Variants in JARID2 observed in about 807,000 individuals in gnomAD.
JARID2 encodes protein Jumonji.
Under a neutral mutation model 125.6 loss-of-function variants are expected in JARID2, and 21 were observed. The ratio of observed to expected loss-of-function variants is 0.17; its 90% CI spans 0.12 to 0.24. JARID2 has a LOEUF of 0.24. JARID2 is among the 10% of genes least tolerant of loss of function. The pLI, the probability that JARID2 is intolerant of heterozygous loss-of-function variation, is 1.00. For synonymous variants in JARID2, 736 were observed against 661.6 expected (o/e 1.11, Z -1.73); for missense variants, 1,303 against 1,639.6 (o/e 0.79, Z 3.55).
intron 1 of JARID2, among the ~76,000 whole-genome samples, chr6:15,298,884 AC>A (rs1370215781): frequency 6.6e-6 from 1 of 151,724 alleles, no homozygotes; most frequent in Non-Finnish European, 1.5e-5. Flanking sequence ...TGTATTACTT[AC>A]AAAAACACTC....
At chr6:15,483,434 A>G (rs1478960635) in intron 5 of JARID2, among the ~76,000 whole-genome samples, 1 of 151,892 alleles carries the variant, frequency 6.6e-6, no homozygotes, top group South Asian at 2.1e-4. Context: ...GATGAAATGC[A>G]TATTAGACTA....
At chr6:15,371,817 C>T (rs1268713721) in intron 1 of JARID2, among the ~76,000 whole-genome samples, 1 of 152,138 alleles carries the variant, frequency 6.6e-6, no homozygotes, top group Non-Finnish European at 1.5e-5. Context: ...GAACCCTGAC[C>T]CCGTACCGTG....
intron 1 of JARID2, among the ~76,000 whole-genome samples, chr6:15,366,320 G>GT (rs1020186426): frequency 2.8e-4 from 42 of 150,128 alleles, no homozygotes; most frequent in South Asian, 1.9e-3. Context: ...TTTTTAGAAT[G>GT]TTTTTTTTCA....
chr6:15,293,935 C>T (rs1317034494), intron 1 of JARID2, among the ~76,000 whole-genome samples: 1 of 152,196 alleles, frequency 6.6e-6, no homozygotes, highest in South Asian at 2.1e-4. Context: ...ATGCCTGCTC[C>T]GGAAGTTGAT....
chr6:15,447,260 G>C (rs1767714485), intron 3 of JARID2, among the ~76,000 whole-genome samples: 1 of 152,052 alleles, frequency 6.6e-6, no homozygotes, highest in African/African-American at 2.4e-5. Context: ...TACTTGATTT[G>C]ATCTTTTCAC....
chr6:15,512,600 C>T lies in JARID2; in HGVS notation c.3135+210C>T, dbSNP rs73724432. Among the ~76,000 whole-genome samples the T allele has an allele frequency of 1.6e-3, 249 of 152,246 alleles. 2 individuals are homozygous for T. The highest frequency in any genetic ancestry group is 5.7e-3 in the African/African-American group (238 of 41,568). On this transcript the variant is annotated intron_variant, in intron 14 of 17. Coordinates refer to ENST00000341776, the MANE Select transcript of JARID2 (RefSeq NM_004973.4). Reference sequence around the variant, plus strand: ...TGTTTGTATCACAAAGAGTTTTGATCAGACCGTTACTGACAGACCCCTCCA... The same window carrying T: ...TGTTTGTATCACAAAGAGTTTTGATTAGACCGTTACTGACAGACCCCTCCA...
intron 1 of JARID2, among the ~76,000 whole-genome samples, chr6:15,328,339 A>G (rs1208772812): frequency 2.0e-5 from 3 of 152,376 alleles, no homozygotes; most frequent in South Asian, 2.1e-4. Context: ...GGCACTGGGC[A>G]GGATGATATG....
At chr6:15,343,081 T>G (rs141876370) in intron 1 of JARID2, among the ~76,000 whole-genome samples, 2 of 152,046 alleles carry the variant, frequency 1.3e-5, no homozygotes, top group Admixed American at 1.3e-4. Context: ...AATACAAAAA[T>G]TAGCCGGGTG....
intron 5 of JARID2, among the ~76,000 whole-genome samples, chr6:15,470,505 CATT>C (rs1769023216): frequency 6.6e-6 from 1 of 152,212 alleles, no homozygotes; most frequent in Admixed American, 6.5e-5. Flanking sequence ...GTCTAGCTTT[CATT>C]GTTGTTGGGC....
intron 1 of JARID2, among the ~76,000 whole-genome samples, chr6:15,338,973 A>T (rs1389660082): frequency 6.6e-6 from 1 of 152,230 alleles, no homozygotes; most frequent in Non-Finnish European, 1.5e-5. Context: ...GACCTTGACG[A>T]ACACTGAGAA....
intron 1 of JARID2, among the ~76,000 whole-genome samples, chr6:15,318,846 G>T (rs917515523): frequency 6.6e-6 from 1 of 152,224 alleles, no homozygotes; most frequent in African/African-American, 2.4e-5. Flanking sequence ...AGGCGAGAAA[G>T]GGGGTGGTGG....
At chr6:15,512,796 C>G in intron 14 of JARID2, 119 bp from the exon 15 acceptor site, 1 of 1,040,998 alleles carries the variant, frequency 9.6e-7, no homozygotes, top group Non-Finnish European at 1.4e-6. Flanking sequence ...AGTTTTTAAT[C>G]TAAATGCAAT....
At chr6:15,486,549 A>G (rs1218686663) in intron 5 of JARID2, among the ~76,000 whole-genome samples, 4 of 152,238 alleles carry the variant, frequency 2.6e-5, no homozygotes, top group African/African-American at 7.2e-5. Context: ...GGTTGTTCTG[A>G]GGATTCAGAG....
At chr6:15,377,604 T>C (rs757061224) in intron 2 of JARID2, among the ~76,000 whole-genome samples, 1 of 152,142 alleles carries the variant, frequency 6.6e-6, no homozygotes, top group African/African-American at 2.4e-5. Flanking sequence ...TAGCTGCGAT[T>C]ACAGGCATGC....
intron 1 of JARID2, among the ~76,000 whole-genome samples, chr6:15,331,714 G>A (rs758169055): frequency 3.9e-5 from 6 of 152,008 alleles, no homozygotes; most frequent in Non-Finnish European, 7.4e-5. Context: ...AAAATTAGCC[G>A]GGTATGTTGG....
chr6:15,367,251 A>C (rs1329334620), intron 1 of JARID2, among the ~76,000 whole-genome samples: 1 of 152,216 alleles, frequency 6.6e-6, no homozygotes, highest in Non-Finnish European at 1.5e-5. Context: ...TTGATCAGAA[A>C]TGTGTTTTCC....
At position 15,452,111 on chromosome 6, in the gene JARID2, G is replaced by C. The variant is rs146235473; in HGVS notation, c.429G>C (p.Gln143His). 13 of 1,613,988 alleles carry C rather than the reference G, an allele frequency of 8.1e-6. No homozygotes were observed. The African/African-American group carries it at 1.6e-4, about 20-fold the overall frequency. The stretch of plus-strand genomic sequence containing the variant: ...CATTGCTACCCCCTCCAGCTACTCA[G>C]ATATCAGACCTCTCTAAAAGGAAGC... ...VEPLLPPPAT[Q>H]ISDLSKRKPK... Residue 143 changes from glutamine to histidine, a missense_variant, in exon 4 of 18, where the codon CAG becomes CAC. Physicochemically the swap from Gln to His is conservative, Grantham distance 24 (BLOSUM62 0). This residue lies in a region of JARID2 where 42 missense variants were observed against 35.7 expected (regional missense o/e 1.18). Transcript: ENST00000341776.
intron 1 of JARID2, among the ~76,000 whole-genome samples, chr6:15,330,893 TA>T (rs1762684798): frequency 6.6e-6 from 1 of 152,222 alleles, no homozygotes; most frequent in African/African-American, 2.4e-5. Context: ...AGTCTGTTTT[TA>T]AAAGGTGACT....
At chr6:15,443,087 T>TA (rs60513458) in intron 3 of JARID2, among the ~76,000 whole-genome samples, 2,455 of 145,134 alleles carry the variant, frequency 0.017, 29 homozygotes, top group African/African-American at 0.026. Context: ...TCCCTGGAAT[T>TA]AAAAAAAAAA....
Sources: allele counts gnomAD v4.1 joint callset (sites outside exome capture counted in the v4.1 genomes callset), GRCh38; gene constraint gnomAD v4.1.1; regional missense constraint gnomAD v4.1.1; transcripts MANE v1.5; gene names NCBI Gene and HGNC (gene_info 2026-07-23, HGNC 2026-07-21).